The following CAPRIN1 variants were observed in gnomAD, a reference collection of about 807,000 sequenced individuals.
CAPRIN1 encodes cell cycle associated protein 1.
Under a neutral mutation model 100.9 loss-of-function variants are expected in CAPRIN1, and 29 were observed. The observed-to-expected ratio is 0.29, with a 90% CI of 0.21 to 0.39. CAPRIN1 has a LOEUF of 0.39. Ranked by LOEUF, CAPRIN1 falls within the 10% of genes least tolerant of loss-of-function variation. The pLI is 1.00. For synonymous variants in CAPRIN1, 338 were observed against 307.5 expected (o/e 1.10, Z -1.04); for missense variants, 795 against 876.7 (o/e 0.91, Z 1.18).
At chr11:34,080,604 A>G (rs1286875929) in intron 7 of CAPRIN1, among the ~76,000 whole-genome samples, 1 of 152,224 alleles carries the variant, frequency 6.6e-6, no homozygotes, top group East Asian at 1.9e-4. Context: ...TAGACACTTA[A>G]CTGTGAATAC....
At chr11:34,074,239 T>TA (rs1311649450) in intron 4 of CAPRIN1, among the ~76,000 whole-genome samples, 1 of 152,230 alleles carries the variant, frequency 6.6e-6, no homozygotes, top group Non-Finnish European at 1.5e-5. Context: ...CAGTTTAATG[T>TA]AACATCTATT....
Position 34,064,372 on chromosome 11 carries a change from A to T in CAPRIN1, c.217-7354A>T, listed in dbSNP as rs1850644340. The stretch of plus-strand genomic sequence containing the variant: ...GGACAAATTTTCTAGTTGGACTTTA[A>T]TGTAAACCATTTGAATAGGAAGTGA... On this transcript the variant is annotated intron_variant, in intron 2 of 18. Transcript: ENST00000341394. 2.0e-5 allele frequency among the ~76,000 whole-genome samples: 3 copies of T among 152,322 alleles called. No individual in the cohort carries two copies. The South Asian group carries it at 6.2e-4, about 32-fold the overall frequency.
chr11:34,079,788 CTTTAG>C (rs759487585), intron 7 of CAPRIN1, 23 bp downstream of exon 7: 12 of 1,600,872 alleles, frequency 7.5e-6, no homozygotes, highest in Admixed American at 1.8e-5. Flanking sequence ...TGGATATCAA[CTTTAG>C]TTTAGGGTCC....
At chr11:34,088,321 A>G (rs572950241) in intron 11 of CAPRIN1, among the ~76,000 whole-genome samples, 205 of 152,128 alleles carry the variant, frequency 1.3e-3, no homozygotes, top group East Asian at 9.1e-3. Flanking sequence ...CATATTTTAA[A>G]TTTTCTTTTT....
At position 34,079,180 on chromosome 11, in the gene CAPRIN1, G is replaced by A. The variant is rs141881686; in HGVS notation, c.689-448G>A. On this transcript the variant is annotated intron_variant, in intron 6 of 18. Transcript: ENST00000341394. ...CCCAGCCCTTTGGGAAGCCAAGGTG[G>A]GCATATCGCCTGAGGTCAGACCTTC... Among the ~76,000 whole-genome samples the A allele has an allele frequency of 4.3e-3, 658 of 152,272 alleles. 6 individuals carry two copies. Among genetic ancestry groups the A allele is most frequent in the African/African-American group, 0.015 (619 of 41,554 alleles).
At chr11:34,068,339 C>G (rs553121841) in intron 2 of CAPRIN1, among the ~76,000 whole-genome samples, 19 of 152,296 alleles carry the variant, frequency 1.2e-4, no homozygotes, top group Admixed American at 1.1e-3. Context: ...ATCACTTATA[C>G]AGTACTCTTG....
At chr11:34,094,322 C>T (rs111689399) in intron 15 of CAPRIN1, among the ~76,000 whole-genome samples, 12,959 of 152,142 alleles carry the variant, frequency 0.085, 576 homozygotes, top group African/African-American at 0.092. Flanking sequence ...TTCCAAAGTG[C>T]TGGGATTACA....
At chr11:34,078,408 T>C (rs936784194) in intron 6 of CAPRIN1, among the ~76,000 whole-genome samples, 1 of 152,134 alleles carries the variant, frequency 6.6e-6, no homozygotes, top group Non-Finnish European at 1.5e-5. Flanking sequence ...TCTTCATACA[T>C]CTCCCCCTCT....
chr11:34,093,982 C>T (rs1169574121), intron 15 of CAPRIN1, among the ~76,000 whole-genome samples: 1 of 151,784 alleles, frequency 6.6e-6, no homozygotes, highest in Non-Finnish European at 1.5e-5. Flanking sequence ...AAAAAAAGTT[C>T]ATTTGTTTAT....
chr11:34,070,038 G>A (rs114554066), intron 2 of CAPRIN1, among the ~76,000 whole-genome samples: 2,574 of 152,184 alleles, frequency 0.017, 51 homozygotes, highest in African/African-American at 0.059. Context: ...TTGGTAAGGG[G>A]GTAAGGAACT....
At position 34,089,345 on chromosome 11, in the gene CAPRIN1, C is replaced by T. The variant is rs778895391; in HGVS notation, c.1232-50C>T. On this transcript the variant is annotated intron_variant, in intron 11 of 18. Coordinates refer to ENST00000341394, the MANE Select transcript of CAPRIN1 (RefSeq NM_005898.5). ...AAATAAAAGGTATTTAGACGCGTCT[C>T]TCTAAAAATTTAATTTTGTTTGACA... The T allele has an allele frequency of 2.3e-5, 21 of 908,896 alleles. No homozygotes were observed. The South Asian group carries it at 2.6e-4, about 11-fold the overall frequency. The allele number at this position is 908,896 out of a possible 1,614,324, so 56.3% of individuals were successfully genotyped here.
chr11:34,065,144 A>G (rs1433843988), intron 2 of CAPRIN1, among the ~76,000 whole-genome samples: 1 of 151,376 alleles, frequency 6.6e-6, no homozygotes, highest in African/African-American at 2.4e-5. Flanking sequence ...TTGTATTTTT[A>G]GTAGAGACAG....
chr11:34,090,918 A>C (rs779385733), intron 14 of CAPRIN1, among the ~76,000 whole-genome samples: 3 of 152,178 alleles, frequency 2.0e-5, no homozygotes, highest in Non-Finnish European at 2.9e-5. Context: ...TTGTAGTTTT[A>C]CCCTTTTGAT....
At chr11:34,097,993 CT>C in intron 18 of CAPRIN1, 1 of 1,213,200 alleles carries the variant, frequency 8.2e-7, no homozygotes, top group Non-Finnish European at 1.0e-6. Context: ...AGAACATATT[CT>C]CTTCTCAGAA....
At chr11:34,097,358 G>A in intron 17 of CAPRIN1, 62 bp downstream of exon 17, 1 of 1,309,608 alleles carries the variant, frequency 7.6e-7, no homozygotes, top group South Asian at 1.2e-5. Flanking sequence ...GTGACTTAGT[G>A]TTGTTGCTTA....
At chr11:34,080,779 C>T (rs796355797) in intron 7 of CAPRIN1, among the ~76,000 whole-genome samples, 21 of 152,252 alleles carry the variant, frequency 1.4e-4, no homozygotes, top group African/African-American at 5.1e-4. Context: ...TCAGGTTCCC[C>T]GTTTAGAAAA....
chr11:34,054,856 C>G (rs1850415231), intron 2 of CAPRIN1, among the ~76,000 whole-genome samples: 1 of 151,964 alleles, frequency 6.6e-6, no homozygotes, highest in South Asian at 2.1e-4. Flanking sequence ...TGATTGTGAA[C>G]ATTAATAATG....
chr11:34,094,553 G>A (rs566763653), intron 15 of CAPRIN1, among the ~76,000 whole-genome samples: 24 of 152,064 alleles, frequency 1.6e-4, no homozygotes, highest in Non-Finnish European at 2.2e-4. Context: ...GCTCACGCCT[G>A]TAATCCCAGC....
rs542262598 is a variant in CAPRIN1 at position 34,101,510 on chromosome 11, T to C, written c.*2143T>C. On this transcript the variant is annotated 3_prime_UTR_variant, in exon 19 of 19. Transcript: ENST00000341394. ...AAATGCCTTCTAGGTTTTGAACTTCTATGCATTAGTGCAGATGTTGTGAAT... is the reference window on the plus strand; with the variant it reads ...AAATGCCTTCTAGGTTTTGAACTTCCATGCATTAGTGCAGATGTTGTGAAT... Among the ~76,000 whole-genome samples the C allele has an allele frequency of 1.8e-4, 28 of 152,388 alleles. No individual in the cohort carries two copies. Among genetic ancestry groups the C allele is most frequent in the African/African-American group, 6.7e-4 (28 of 41,600 alleles).
Sources: gnomAD v4.1 joint callset for allele counts (sites outside exome capture counted in the v4.1 genomes callset) on GRCh38, gnomAD v4.1.1 for gene constraint, MANE v1.5 for transcripts, NCBI Gene and HGNC (gene_info 2026-07-23, HGNC 2026-07-21) for gene names.